Variants in ZBTB38 observed in about 807,000 individuals in gnomAD.
ZBTB38 encodes zinc finger and BTB domain-containing protein 38.
ZBTB38 carries 20 observed loss-of-function variants against 76.8 expected under a neutral mutation model. The observed-to-expected ratio is 0.26, with a 90% CI of 0.18 to 0.38. The LOEUF (loss-of-function observed/expected upper bound fraction) is 0.38. ZBTB38 is among the 10% of genes least tolerant of loss of function. The pLI is 1.00. For missense variants in ZBTB38, 1,082 were observed against 1,482.3 expected, an observed-to-expected ratio of 0.73 and a Z score of 4.43; for synonymous variants, 504 against 544.2, an observed-to-expected ratio of 0.93 and a Z score of 1.03.
chr3:141,346,400 C>T (rs1402628068), intron 1 of ZBTB38, among the ~76,000 whole-genome samples: 1 of 152,188 alleles, frequency 6.6e-6, no homozygotes, highest in East Asian at 1.9e-4. Flanking sequence ...GGAGAAATTT[C>T]CTCGTGAGCC....
intron 4 of ZBTB38, among the ~76,000 whole-genome samples, chr3:141,397,040 G>C (rs1950503568): frequency 1.3e-5 from 2 of 152,220 alleles, no homozygotes; most frequent in South Asian, 4.1e-4. Context: ...GCCAGGCATT[G>C]ATTTCTCCTC....
At chr3:141,362,980 G>C (rs9874459) in intron 1 of ZBTB38, among the ~76,000 whole-genome samples, 17,710 of 151,934 alleles carry the variant, frequency 0.12, 3,424 homozygotes, top group African/African-American at 0.4. Flanking sequence ...AACCCATGAG[G>C]TGGTATTAGT....
chr3:141,370,586 C>T (rs976631588), intron 2 of ZBTB38, among the ~76,000 whole-genome samples: 2 of 152,206 alleles, frequency 1.3e-5, no homozygotes, highest in Non-Finnish European at 2.9e-5. Context: ...CAATTATCCA[C>T]ATTTAGGTTT....
At chr3:141,424,089 T>C (rs1221115476) in intron 5 of ZBTB38, among the ~76,000 whole-genome samples, 1 of 152,258 alleles carries the variant, frequency 6.6e-6, no homozygotes, top group Non-Finnish European at 1.5e-5. Context: ...TTGAGTGACC[T>C]TCTGATTTAA....
At chr3:141,410,897 C>T (rs1325577636) in intron 5 of ZBTB38, among the ~76,000 whole-genome samples, 4 of 152,132 alleles carry the variant, frequency 2.6e-5, no homozygotes, top group African/African-American at 9.7e-5. Context: ...AGTGTTCATA[C>T]CAGGATGCAT....
intron 5 of ZBTB38, among the ~76,000 whole-genome samples, chr3:141,408,098 A>C (rs550589474): frequency 6.6e-6 from 1 of 152,388 alleles, no homozygotes; most frequent in Non-Finnish European, 1.5e-5. Flanking sequence ...ACAACACTAC[A>C]GTCATGCCAT....
upstream of ZBTB38, among the ~76,000 whole-genome samples, chr3:141,364,850 T>G (rs1943919063): frequency 6.6e-6 from 1 of 152,100 alleles, no homozygotes; most frequent in African/African-American, 2.4e-5. Flanking sequence ...GATATCACAT[T>G]GTACCCACTA....
intron 1 of ZBTB38, among the ~76,000 whole-genome samples, chr3:141,349,006 G>A (rs1371882651): frequency 6.6e-6 from 1 of 152,166 alleles, no homozygotes; most frequent in Non-Finnish European, 1.5e-5. Flanking sequence ...AAATCTAAGA[G>A]ACTAGGCAAC....
chr3:141,444,313 C>A lies in ZBTB38; in HGVS notation c.1925C>A (p.Pro642His), dbSNP rs1489402633. 2 of 1,614,020 alleles carry A rather than the reference C, an allele frequency of 1.2e-6. No homozygotes were observed. Among genetic ancestry groups the A allele is most frequent in the East Asian group, 2.2e-5 (1 of 44,900 alleles). Residue 642 changes from proline to histidine, a missense_variant, in exon 6 of 6, where the codon CCC becomes CAC. By Grantham distance (77) the Pro-to-His change is moderately conservative. Around this residue, in one of 8 missense-constraint regions of ZBTB38, gnomAD observed 471 missense variants for 581.0 expected, o/e 0.81. Transcript: ENST00000321464. The surrounding 1 kb of genome is among the most constrained non-coding windows in gnomAD (Gnocchi z 5.1). The part of the protein sequence containing the change: ...PLETSACQDI[P>H]TSANVQNAEG... ...GAAACATCTGCATGTCAGGACATAC[C>A]CACTTCTGCCAATGTACAAAATGCA...
chr3:141,353,123 C>T (rs1051204485), intron 1 of ZBTB38, among the ~76,000 whole-genome samples: 5 of 152,086 alleles, frequency 3.3e-5, no homozygotes, highest in African/African-American at 9.7e-5. Context: ...AGAGTCCCTT[C>T]GTCCCAAATC....
chr3:141,366,431 A>T (rs1350799654), upstream of ZBTB38: 8 of 152,266 alleles, frequency 5.3e-5, no homozygotes, highest in Non-Finnish European at 2.9e-5. Flanking sequence ...TGGAACTTAA[A>T]GCGATTTCCT....
chr3:141,446,126 T>C lies in ZBTB38; in HGVS notation c.*150T>C. 1.3e-6 allele frequency: 1 copy of C among 749,232 alleles called. No homozygotes were observed. Among genetic ancestry groups the C allele is most frequent in the Non-Finnish European group, 2.0e-6 (1 of 512,128 alleles). 46.4% of individuals were successfully genotyped at this position (749,232 alleles called of 1,614,324 possible). A position where few individuals can be genotyped will look rare whatever the true frequency, so the allele number is the denominator to read the frequency against. On this transcript the variant is annotated 3_prime_UTR_variant, in exon 6 of 6. Transcript: ENST00000321464. The stretch of plus-strand genomic sequence containing the variant: ...ATTTGTGAAAATTCCAGAAAAAGGA[T>C]CCTAATATCTACTTTGGGTTTTAGC...
At chr3:141,325,219 T>C (rs1447288509) in intron 1 of ZBTB38, among the ~76,000 whole-genome samples, 1 of 152,246 alleles carries the variant, frequency 6.6e-6, no homozygotes, top group African/African-American at 2.4e-5. Flanking sequence ...CTTCCTGCCA[T>C]TTAGTAAAAT....
intron 1 of ZBTB38, among the ~76,000 whole-genome samples, chr3:141,361,424 A>T (rs1943822962): frequency 6.6e-6 from 1 of 152,174 alleles, no homozygotes; most frequent in Non-Finnish European, 1.5e-5. Flanking sequence ...ATGTTGGCCA[A>T]ATTTCTTGAC....
chr3:141,332,745 G>T (rs1333207213), intron 1 of ZBTB38, among the ~76,000 whole-genome samples: 1 of 152,200 alleles, frequency 6.6e-6, no homozygotes, highest in African/African-American at 2.4e-5. Flanking sequence ...CCAGAGGGCA[G>T]CTCTGCTTAT....
chr3:141,399,206 AG>A (rs1951115061), intron 4 of ZBTB38, among the ~76,000 whole-genome samples: 2 of 151,892 alleles, frequency 1.3e-5, no homozygotes, highest in African/African-American at 4.8e-5. Flanking sequence ...GAAGTGCTGC[AG>A]ATCTGGCATT....
chr3:141,352,598 T>G (rs1283131646), intron 1 of ZBTB38, among the ~76,000 whole-genome samples: 2 of 151,946 alleles, frequency 1.3e-5, no homozygotes, highest in Non-Finnish European at 2.9e-5. Context: ...ATGGTATACA[T>G]GGGTGAAGGG....
Position 141,355,520 on chromosome 3 carries a change from G to T in ZBTB38, c.-738-13101G>T, listed in dbSNP as rs114864246. Among the ~76,000 whole-genome samples, 664 of 152,156 alleles carry T rather than the reference G, an allele frequency of 4.4e-3. 8 individuals are homozygous for T. The highest frequency in any genetic ancestry group is 0.013 in the African/African-American group (548 of 41,476). On this transcript the variant is annotated intron_variant, in intron 1 of 7. Coordinates refer to the ZBTB38 transcript ENST00000509842. ...GGGGGCCATGGAAAGGCGTCTTGGT[G>T]CTGTGCTTGTCTCCCCTGGCCACAG...
At chr3:141,434,105 C>T (rs1464575437) in intron 5 of ZBTB38, 1 of 678,924 alleles carries the variant, frequency 1.5e-6, no homozygotes, top group African/African-American at 2.0e-5. Context: ...ACTCAAGGAG[C>T]TCATAGGGAA....
Sources: allele counts gnomAD v4.1 joint callset (sites outside exome capture counted in the v4.1 genomes callset), GRCh38; gene constraint gnomAD v4.1.1; regional missense constraint gnomAD v4.1.1; non-coding constraint Gnocchi (gnomAD v3.1); transcripts MANE v1.5; gene names NCBI Gene and HGNC (gene_info 2026-07-23, HGNC 2026-07-21).